Variants in LINGO2 observed in about 807,000 individuals in gnomAD.
LINGO2 encodes leucine rich repeat and Ig domain containing 2, also known as leucine-rich repeat and immunoglobulin-like domain-containing nogo receptor-interacting protein 2.
A neutral mutation model predicts 30.6 loss-of-function variants in LINGO2; 14 were observed. The observed-to-expected ratio is 0.46, with a 90% CI of 0.30 to 0.72. LINGO2 has a LOEUF of 0.72. Among genes scored for constraint, LINGO2 ranks in the 30% least tolerant of loss-of-function variants. The pLI is 0.07. For missense variants in LINGO2, 729 were observed against 751.7 expected (o/e 0.97, Z 0.35); for synonymous variants, 317 against 288.5 (o/e 1.10, Z -1.00).
At chr9:28,478,752 T>A (rs1401179658) in intron 1 of LINGO2, among the ~76,000 whole-genome samples, 1 of 152,116 alleles carries the variant, frequency 6.6e-6, no homozygotes, top group Admixed American at 6.5e-5. Context: ...TTCTCTTACT[T>A]ACTTTGTAAT....
chr9:28,477,986 A>G (rs1825794390), intron 1 of LINGO2, among the ~76,000 whole-genome samples: 1 of 152,124 alleles, frequency 6.6e-6, no homozygotes, highest in South Asian at 2.1e-4. Flanking sequence ...TTGGGAATCA[A>G]CCCTGGAAGG....
the LINGO2 span, among the ~76,000 whole-genome samples, chr9:29,039,023 C>T: frequency 6.6e-6 from 1 of 152,060 alleles, no homozygotes; most frequent in Admixed American, 6.6e-5. Flanking sequence ...TTAGTTACTG[C>T]TAATTGAGTG....
chr9:28,078,731 C>T (rs1825694096), intron 4 of LINGO2, among the ~76,000 whole-genome samples: 1 of 147,592 alleles, frequency 6.8e-6, no homozygotes, highest in South Asian at 2.1e-4. Flanking sequence ...CTGTATAATC[C>T]CAGCTACTCA....
chr9:29,180,520 C>A, the LINGO2 span, among the ~76,000 whole-genome samples: 1 of 152,044 alleles, frequency 6.6e-6, no homozygotes, highest in Non-Finnish European at 1.5e-5. Context: ...CATATAAATC[C>A]TATATGTCTC....
At chr9:29,000,809 CAA>C in the LINGO2 span, among the ~76,000 whole-genome samples, 2 of 151,934 alleles carry the variant, frequency 1.3e-5, no homozygotes, top group East Asian at 1.9e-4. Context: ...GCCTGCTGTG[CAA>C]AGACTCTGTA....
the LINGO2 span, among the ~76,000 whole-genome samples, chr9:29,158,062 G>A: frequency 6.6e-6 from 1 of 152,018 alleles, no homozygotes; most frequent in African/African-American, 2.4e-5. Flanking sequence ...GAGATTCTAG[G>A]CTGGGCATGG....
chr9:28,526,183 G>A (rs1047940409), intron 1 of LINGO2, among the ~76,000 whole-genome samples: 5 of 151,538 alleles, frequency 3.3e-5, no homozygotes, highest in Admixed American at 2.6e-4. Flanking sequence ...TCTAAAAATT[G>A]CTATTGGAAA....
chr9:28,224,274 C>T (rs930787770), intron 4 of LINGO2, among the ~76,000 whole-genome samples: 14 of 152,116 alleles, frequency 9.2e-5, no homozygotes, highest in Non-Finnish European at 1.6e-4. Flanking sequence ...CCGTGTTAGC[C>T]AGGATGGTCT....
intron 4 of LINGO2, among the ~76,000 whole-genome samples, chr9:28,227,529 C>T (rs752825995): frequency 3.3e-5 from 5 of 151,926 alleles, no homozygotes; most frequent in African/African-American, 9.7e-5. Context: ...TTCTATGTGG[C>T]TGGTATGTAT....
chr9:28,411,969 G>T (rs1822781291), intron 2 of LINGO2, among the ~76,000 whole-genome samples: 2 of 151,860 alleles, frequency 1.3e-5, no homozygotes, highest in Admixed American at 6.6e-5. Flanking sequence ...TAGCTTTAGG[G>T]GTACAAGTGG....
At chr9:28,374,181 C>G (rs1047839560) in intron 2 of LINGO2, among the ~76,000 whole-genome samples, 15 of 144,394 alleles carry the variant, frequency 1.0e-4, no homozygotes, top group Non-Finnish European at 1.9e-4. Context: ...TGTAACATGA[C>G]TCTACTTTTG....
chr9:28,666,923 A>T (rs991812388), intron 1 of LINGO2, among the ~76,000 whole-genome samples: 10 of 152,268 alleles, frequency 6.6e-5, no homozygotes, highest in Admixed American at 1.3e-4. Flanking sequence ...AGCATTTTTT[A>T]AAAAAATATT....
chr9:28,092,644 T>C (rs1826129940), intron 4 of LINGO2, among the ~76,000 whole-genome samples: 1 of 151,960 alleles, frequency 6.6e-6, no homozygotes, highest in African/African-American at 2.4e-5. Flanking sequence ...CATGTATACG[T>C]ATGTAACAAA....
the LINGO2 span, among the ~76,000 whole-genome samples, chr9:28,759,963 G>A: frequency 2.0e-5 from 3 of 151,992 alleles, no homozygotes; most frequent in African/African-American, 4.8e-5. Flanking sequence ...ATAGATCCAA[G>A]ACATTTATTT....
At chr9:29,039,643 G>A in the LINGO2 span, among the ~76,000 whole-genome samples, 2 of 152,052 alleles carry the variant, frequency 1.3e-5, no homozygotes, top group Non-Finnish European at 2.9e-5. Context: ...TTTGCCCATG[G>A]CTACCCCGAC....
At chr9:28,921,881 A>G in the LINGO2 span, among the ~76,000 whole-genome samples, 486 of 152,256 alleles carry the variant, frequency 3.2e-3, 2 homozygotes, top group African/African-American at 0.011. Flanking sequence ...AAGTGAGACT[A>G]TTTTATTATC....
chr9:28,423,190 T>A (rs1033642567), intron 2 of LINGO2, among the ~76,000 whole-genome samples: 1 of 152,244 alleles, frequency 6.6e-6, no homozygotes, highest in African/African-American at 2.4e-5. Context: ...TTATGTCATG[T>A]GTATTCCACC....
At chr9:28,309,534 T>C (rs1824520999) in intron 3 of LINGO2, among the ~76,000 whole-genome samples, 1 of 151,742 alleles carries the variant, frequency 6.6e-6, no homozygotes, top group Non-Finnish European at 1.5e-5. Context: ...TATACATATA[T>C]AACTAACCTG....
chr9:28,553,627 A>T (rs1362931537), intron 1 of LINGO2, among the ~76,000 whole-genome samples: 1 of 152,068 alleles, frequency 6.6e-6, no homozygotes, highest in African/African-American at 2.4e-5. Flanking sequence ...GCCAACGTTC[A>T]GATTCAGGAA....
Sources: allele counts gnomAD v4.1 joint callset (sites outside exome capture counted in the v4.1 genomes callset), GRCh38; gene constraint gnomAD v4.1.1; transcripts MANE v1.5; gene names NCBI Gene and HGNC (gene_info 2026-07-23, HGNC 2026-07-21).